Variants in AP1G1 observed in about 807,000 individuals in gnomAD.
AP1G1 encodes the protein AP-1 complex subunit gamma-1.
Under a neutral mutation model 108.3 loss-of-function variants are expected in AP1G1, and 7 were observed. The observed-to-expected ratio is 0.06, with a 90% CI of 0.04 to 0.12. The LOEUF (loss-of-function observed/expected upper bound fraction) is 0.12, where lower values mean the gene tolerates loss of function less well. Ranked by LOEUF, AP1G1 falls within the 10% of genes least tolerant of loss-of-function variation. AP1G1 has a pLI of 1.00. For synonymous variants in AP1G1, 379 were observed against 353.5 expected (o/e 1.07, Z -0.81); for missense variants, 756 against 1,010.7 (o/e 0.75, Z 3.42).
chr16:71,738,512 GA>G (rs2045578359), intron 21 of AP1G1, among the ~76,000 whole-genome samples: 1 of 152,142 alleles, frequency 6.6e-6, no homozygotes, highest in Non-Finnish European at 1.5e-5. Flanking sequence ...TATCAAGAGA[GA>G]AAAAATTTCA....
chr16:71,770,780 T>G (rs1229847855), intron 5 of AP1G1, among the ~76,000 whole-genome samples: 1 of 152,264 alleles, frequency 6.6e-6, no homozygotes, highest in Non-Finnish European at 1.5e-5. Context: ...GCACAAATCT[T>G]ATACTCCTAC....
intron 1 of AP1G1, chr16:71,808,184 G>C (rs2033063168): frequency 3.7e-6 from 4 of 1,086,764 alleles, no homozygotes; most frequent in South Asian, 4.4e-5. Flanking sequence ...CTCGCAGGTA[G>C]GTTGAAAAAA....
chr16:71,771,356 T>C (rs2031561927), intron 4 of AP1G1, 104 bp from the exon 5 acceptor site: 1 of 625,266 alleles, frequency 1.6e-6, no homozygotes, highest in South Asian at 2.2e-5. Flanking sequence ...AACTAGTTCA[T>C]CTACTAGAAA....
chr16:71,774,520 G>C lies in AP1G1; in HGVS notation c.274C>G (p.Leu92Val). 1 of 1,609,738 alleles carries C rather than the reference G, an allele frequency of 6.2e-7. No individual in the cohort carries two copies. The highest frequency in any genetic ancestry group is 8.5e-7 in the Non-Finnish European group (1 of 1,178,900). The change falls in exon 3 of 23, where the codon CTG (leucine) becomes GTG (valine). Residue 92 changes from leucine to valine, a missense_variant. Leu to Val is a conservative substitution (Grantham distance 32). Coordinates refer to ENST00000299980, the MANE Select transcript of AP1G1 (RefSeq NM_001128.6). Reference protein sequence around the residue: ...KRIGYLGAMLLLDERQDVHLL... With the variant: ...KRIGYLGAMLVLDERQDVHLL... ...TGGACATCTTGTCTTTCATCTAACA[G>C]CAGCATTGCCCCTAAATAGCCAATG... is the stretch of plus-strand genomic sequence containing the variant.
At chr16:71,757,191 C>A (rs1209757722) in intron 11 of AP1G1, among the ~76,000 whole-genome samples, 1 of 152,178 alleles carries the variant, frequency 6.6e-6, no homozygotes, top group African/African-American at 2.4e-5. Context: ...TGGCTCACGC[C>A]TGTAATCCCA....
At chr16:71,786,800 C>T (rs576060728) in intron 2 of AP1G1, among the ~76,000 whole-genome samples, 55 of 152,124 alleles carry the variant, frequency 3.6e-4, no homozygotes, top group African/African-American at 1.2e-3. Context: ...CAATAGTGCA[C>T]GCCTGTAATC....
intron 5 of AP1G1, 129 bp downstream of exon 5, chr16:71,771,027 G>C (rs1028826879): frequency 1.0e-5 from 5 of 498,046 alleles, no homozygotes; most frequent in Non-Finnish European, 1.7e-5. Context: ...GACCTTCCTG[G>C]AAAAGTGTCT....
intron 1 of AP1G1, among the ~76,000 whole-genome samples, chr16:71,789,700 G>A (rs1023493890): frequency 2.0e-5 from 3 of 152,078 alleles, no homozygotes; most frequent in Admixed American, 6.6e-5. Flanking sequence ...AACAAATATG[G>A]TTAAGTATTA....
intron 1 of AP1G1, among the ~76,000 whole-genome samples, chr16:71,804,087 C>T (rs562498875): frequency 2.6e-5 from 4 of 151,452 alleles, no homozygotes. Context: ...TCGCTCTGTC[C>T]CCAGGCTGGA....
At chr16:71,744,977 T>C (rs1273895406) in intron 19 of AP1G1, among the ~76,000 whole-genome samples, 167 bp downstream of exon 19, 7 of 152,336 alleles carry the variant, frequency 4.6e-5, no homozygotes, top group Admixed American at 1.3e-4. Context: ...TAGAGCATTA[T>C]TAGTATACAA....
At position 71,769,411 on chromosome 16, in the gene AP1G1, C is replaced by T. The variant is rs551613967; in HGVS notation, c.642+212G>A. 4 of 523,678 alleles carry T rather than the reference C, an allele frequency of 7.6e-6. No individual in the cohort carries two copies. In the East Asian group the frequency reaches 1.5e-4, roughly 19 times the overall value. The allele number at this position is 523,678 out of a possible 1,614,324, so 32.4% of individuals were successfully genotyped here. ...TGTGTCTGCCAACAATGAGAGAAGA[C>T]TTCTATTATGAAAGGGAAAACACAA... On this transcript the variant is annotated intron_variant, in intron 6 of 22. Coordinates refer to ENST00000299980, the MANE Select transcript of AP1G1 (RefSeq NM_001128.6).
intron 2 of AP1G1, among the ~76,000 whole-genome samples, chr16:71,785,199 C>T (rs2032155966): frequency 6.6e-6 from 1 of 151,736 alleles, no homozygotes; most frequent in Non-Finnish European, 1.5e-5. Flanking sequence ...AAAGAAATAG[C>T]TGAACTGTAT....
intron 10 of AP1G1, among the ~76,000 whole-genome samples, chr16:71,761,130 C>T (rs1597055650): frequency 6.6e-6 from 1 of 152,144 alleles, no homozygotes; most frequent in East Asian, 1.9e-4. Flanking sequence ...TACTAGCTCC[C>T]AAGTTTCATG....
Position 71,739,306 on chromosome 16 carries a change from G to A in AP1G1, c.2035C>T (p.Pro679Ser). Residue 679 changes from proline to serine, a missense_variant, in exon 20 of 23, where the codon CCA (proline) becomes TCA (serine). This residue lies in a region of AP1G1 where 357 missense variants were observed against 366.5 expected (regional missense o/e 0.97). Transcript: ENST00000299980. ...PAAAPAPASV[P>S]QISQPPFLLD... is the part of the protein sequence containing the mutation. The stretch of plus-strand genomic sequence containing the variant: ...AAGAAGGGGGGCTGGGATATCTGTG[G>A]GACTGAGGCAGGGGCAGGAGCAGCA... The A allele has an allele frequency of 6.2e-7, 1 of 1,610,606 alleles. No homozygotes were observed. The highest frequency in any genetic ancestry group is 8.5e-7 in the Non-Finnish European group (1 of 1,179,254).
intron 2 of AP1G1, among the ~76,000 whole-genome samples, chr16:71,777,124 A>AC (rs2031812577): frequency 6.7e-6 from 1 of 149,852 alleles, no homozygotes; most frequent in Non-Finnish European, 1.5e-5. Flanking sequence ...AAAAAAAAAA[A>AC]AAAAAAAAAA....
chr16:71,769,053 C>T (rs1450349603), intron 6 of AP1G1, among the ~76,000 whole-genome samples: 2 of 141,726 alleles, frequency 1.4e-5, no homozygotes, highest in African/African-American at 5.2e-5. Context: ...GAGGCTGAGG[C>T]GGGCTGATCA....
At chr16:71,782,749 G>T (rs1042257206) in intron 2 of AP1G1, among the ~76,000 whole-genome samples, 2 of 150,690 alleles carry the variant, frequency 1.3e-5, no homozygotes, top group African/African-American at 2.5e-5. Flanking sequence ...GCCTCCCAAA[G>T]TGCTGGGATT....
At chr16:71,777,953 C>CAGT (rs1427347327) in intron 2 of AP1G1, 4 of 182,104 alleles carry the variant, frequency 2.2e-5, no homozygotes, top group Admixed American at 6.1e-5. Context: ...GCGGCAGCAG[C>CAGT]AGTTGCTCAG....
rs147481354 is a variant in AP1G1 at position 71,744,975 on chromosome 16, T to C, written c.1999+169A>G. 2.1e-3 allele frequency among the ~76,000 whole-genome samples: 318 copies of C among 152,338 alleles called. 4 individuals are homozygous for C. In the South Asian group the frequency reaches 0.037, roughly 18 times the overall value. ...TCCGTATAAATTATCTTTAGAGCAT[T>C]ATTAGTATACAACATATAACCCGGA... On this transcript the variant is annotated intron_variant, in intron 19 of 22. Coordinates refer to ENST00000299980, the MANE Select transcript of AP1G1 (RefSeq NM_001128.6).
Sources: allele counts gnomAD v4.1 joint callset (sites outside exome capture counted in the v4.1 genomes callset), GRCh38; gene constraint gnomAD v4.1.1; regional missense constraint gnomAD v4.1.1; transcripts MANE v1.5; gene names NCBI Gene and HGNC (gene_info 2026-07-23, HGNC 2026-07-21).